The following BCKDHB variants were observed in gnomAD, a reference collection of about 807,000 sequenced individuals.
BCKDHB encodes 2-oxoisovalerate dehydrogenase subunit beta, mitochondrial.
BCKDHB carries 41 observed loss-of-function variants against 48.5 expected under a neutral mutation model. That is an observed-to-expected ratio of 0.85 (90% CI 0.66 to 1.10). BCKDHB has a LOEUF of 1.10. Among genes scored for constraint, BCKDHB ranks in the 50% least tolerant of loss-of-function variants. The pLI is 0.00. For missense variants in BCKDHB, 496 were observed against 494.2 expected (o/e 1.00, Z -0.03); for synonymous variants, 201 against 174.8 (o/e 1.15, Z -1.18).
intron 3 of BCKDHB, among the ~76,000 whole-genome samples, chr6:80,145,698 G>T (rs1245944044): frequency 6.6e-6 from 1 of 152,172 alleles, no homozygotes; most frequent in Non-Finnish European, 1.5e-5. Flanking sequence ...TTCACAAGTT[G>T]TGAAGAGATT....
chr6:80,430,613 G>A, the BCKDHB span, among the ~76,000 whole-genome samples: 1 of 152,198 alleles, frequency 6.6e-6, no homozygotes, highest in Admixed American at 6.5e-5. Context: ...GTGTAGAGGT[G>A]TTTATTGTAT....
At chr6:80,150,883 T>C (rs1308999010) in intron 3 of BCKDHB, among the ~76,000 whole-genome samples, 1 of 152,180 alleles carries the variant, frequency 6.6e-6, no homozygotes, top group Non-Finnish European at 1.5e-5. Context: ...TTCAGAAATC[T>C]TTTTTATTTA....
chr6:80,357,735 G>A, the BCKDHB span, among the ~76,000 whole-genome samples: 8 of 152,166 alleles, frequency 5.3e-5, no homozygotes, highest in Non-Finnish European at 8.8e-5. Context: ...TTATGGCTGT[G>A]TCCATACACT....
At chr6:80,371,604 T>G in the BCKDHB span, among the ~76,000 whole-genome samples, 2 of 152,160 alleles carry the variant, frequency 1.3e-5, no homozygotes, top group Non-Finnish European at 2.9e-5. Flanking sequence ...TCTAGAATTT[T>G]TATGGTTTCA....
chr6:80,414,916 C>A, the BCKDHB span, among the ~76,000 whole-genome samples: 1 of 152,002 alleles, frequency 6.6e-6, no homozygotes, highest in South Asian at 2.1e-4. Context: ...TGGTTTGTGT[C>A]ATTCCTGATT....
chr6:80,161,007 C>T (rs1772285253), intron 3 of BCKDHB, among the ~76,000 whole-genome samples: 1 of 151,248 alleles, frequency 6.6e-6, no homozygotes, highest in African/African-American at 2.4e-5. Flanking sequence ...TTTTTTTTGC[C>T]CAATCAAAGC....
At chr6:80,295,002 T>G (rs1393558747) in intron 9 of BCKDHB, among the ~76,000 whole-genome samples, 1 of 152,168 alleles carries the variant, frequency 6.6e-6, no homozygotes, top group Non-Finnish European at 1.5e-5. Context: ...CCTCCCCTTT[T>G]GAAACCCTTA....
At chr6:80,398,663 C>A in the BCKDHB span, among the ~76,000 whole-genome samples, 1 of 150,104 alleles carries the variant, frequency 6.7e-6, no homozygotes, top group African/African-American at 2.5e-5. Context: ...AGATGTACAA[C>A]AAAGAGCTGG....
At chr6:80,275,916 A>G (rs1169842364) in intron 9 of BCKDHB, among the ~76,000 whole-genome samples, 1 of 151,952 alleles carries the variant, frequency 6.6e-6, no homozygotes, top group Non-Finnish European at 1.5e-5. Flanking sequence ...ACTTAGCATG[A>G]TTCATATTTC....
chr6:80,135,174 T>C (rs1204943808), intron 3 of BCKDHB, among the ~76,000 whole-genome samples: 2 of 152,314 alleles, frequency 1.3e-5, no homozygotes, highest in Admixed American at 1.3e-4. Context: ...TATATGTTCT[T>C]GTTGCAAAGA....
At chr6:80,166,556 T>TGAGGCAGGAGAATGGCTTGAACTCAG (rs1772579476) in intron 3 of BCKDHB, among the ~76,000 whole-genome samples, 2 of 151,592 alleles carry the variant, frequency 1.3e-5, no homozygotes, top group Admixed American at 1.3e-4. Flanking sequence ...CTCGGGTGGC[T>TGAGGCAGGAGAATGGCTTGAACTCAG]GAGGCAGGAG....
intron 9 of BCKDHB, among the ~76,000 whole-genome samples, chr6:80,288,947 T>C (rs1196062860): frequency 6.6e-6 from 1 of 152,066 alleles, no homozygotes; most frequent in African/African-American, 2.4e-5. Flanking sequence ...GGAGCATTAA[T>C]GGTTAAGTGA....
At chr6:80,211,343 A>G (rs1000753063) in intron 8 of BCKDHB, among the ~76,000 whole-genome samples, 1 of 152,222 alleles carries the variant, frequency 6.6e-6, no homozygotes, top group Admixed American at 6.5e-5. Flanking sequence ...TGCCTCCCAG[A>G]TTAAATTCCA....
chr6:80,107,172 G>GC, intron 1 of BCKDHB, among the ~76,000 whole-genome samples: 1 of 151,888 alleles, frequency 6.6e-6, no homozygotes, highest in East Asian at 1.9e-4. Context: ...GAGGGGTGGT[G>GC]CCCAGGGAAC....
At chr6:80,362,538 G>T in the BCKDHB span, among the ~76,000 whole-genome samples, 43,078 of 151,982 alleles carry the variant, frequency 0.28, 7,548 homozygotes, top group East Asian at 0.55. Flanking sequence ...GCTTCTCTGG[G>T]GGACTCATAG....
rs1208967499 is a variant in BCKDHB at position 80,230,554 on chromosome 6, T to C, written c.951+27342T>C. Among the ~76,000 whole-genome samples the C allele has an allele frequency of 2.6e-5, 4 of 152,176 alleles. No individual in the cohort carries two copies. The South Asian group carries it at 8.3e-4, about 32-fold the overall frequency. ...AGCCAGATAGTAAATATTTTCAACTTTGTGGGCTATATGGTCTGTCTTAAT... is the reference window on the plus strand; with the variant it reads ...AGCCAGATAGTAAATATTTTCAACTCTGTGGGCTATATGGTCTGTCTTAAT... On this transcript the variant is annotated intron_variant, in intron 8 of 9. Coordinates refer to ENST00000320393, the MANE Select transcript of BCKDHB (RefSeq NM_183050.4).
chr6:80,366,562 CATA>C, the BCKDHB span, among the ~76,000 whole-genome samples: 2 of 152,148 alleles, frequency 1.3e-5, no homozygotes, highest in Non-Finnish European at 2.9e-5. Context: ...AAGTGATTTA[CATA>C]ATATTTTCAG....
intron 6 of BCKDHB, 134 bp downstream of exon 6, chr6:80,171,524 TA>T: frequency 1.6e-6 from 1 of 615,942 alleles, no homozygotes; most frequent in Non-Finnish European, 2.7e-6. Context: ...ATTTTTTTGG[TA>T]TTTAGTTTGT....
At chr6:80,140,501 T>C (rs1283985702) in intron 3 of BCKDHB, among the ~76,000 whole-genome samples, 26 of 152,108 alleles carry the variant, frequency 1.7e-4, no homozygotes, top group Admixed American at 1.6e-3. Flanking sequence ...TTATTGTGAG[T>C]TTTTAGCATG....
Sources: gnomAD v4.1 joint callset for allele counts (sites outside exome capture counted in the v4.1 genomes callset) on GRCh38, gnomAD v4.1.1 for gene constraint, MANE v1.5 for transcripts, NCBI Gene and HGNC (gene_info 2026-07-23, HGNC 2026-07-21) for gene names.